The following GOLIM4 variants were observed in gnomAD, a reference collection of about 807,000 sequenced individuals.
GOLIM4 encodes the protein golgi integral membrane protein 4.
A neutral mutation model predicts 107.4 loss-of-function variants in GOLIM4; 71 were observed. The ratio of observed to expected loss-of-function variants is 0.66; its 90% confidence interval spans 0.55 to 0.81. The LOEUF (loss-of-function observed/expected upper bound fraction) is 0.81. Ranked by LOEUF, GOLIM4 falls within the 30% of genes least tolerant of loss-of-function variation. The pLI, the probability that GOLIM4 is intolerant of heterozygous loss-of-function variation, is 0.00. For missense variants in GOLIM4, 830 were observed against 826.1 expected (o/e 1.00, Z -0.06); for synonymous variants, 327 against 294.8 (o/e 1.11, Z -1.12).
chr3:168,029,243 C>A lies in GOLIM4; in HGVS notation c.1493G>T (p.Gly498Val). 6.2e-7 allele frequency: 1 copy of A among 1,608,268 alleles called. No homozygotes were observed. Among genetic ancestry groups the A allele is most frequent in the Non-Finnish European group, 8.5e-7 (1 of 1,175,382 alleles). ...NDIVQGAEDQ[G>V]IQGEEGAYER... Reference sequence around the variant, plus strand: ...ACCACCTCCTTCCTCTCCTTGGATTCCCTGGTCCTCTGCTCCCTGAACGAT... The same window carrying A: ...ACCACCTCCTTCCTCTCCTTGGATTACCTGGTCCTCTGCTCCCTGAACGAT... The change falls in exon 11 of 16, where the codon GGA becomes GTA. Residue 498 changes from glycine to valine, a missense_variant. By Grantham distance (109) the Gly-to-Val change is moderately radical. Transcript: ENST00000470487.
intron 1 of GOLIM4, among the ~76,000 whole-genome samples, chr3:168,093,244 A>G (rs537601348): frequency 1.3e-5 from 2 of 152,372 alleles, no homozygotes; most frequent in Admixed American, 6.5e-5. Flanking sequence ...CTTGAACAAA[A>G]TATTTTCTTG....
chr3:168,089,953 A>C (rs1313971005), intron 1 of GOLIM4, among the ~76,000 whole-genome samples: 1 of 151,986 alleles, frequency 6.6e-6, no homozygotes, highest in Non-Finnish European at 1.5e-5. Context: ...TTTTTAGTAG[A>C]GATGAGGTTT....
At chr3:168,048,748 A>C (rs373300488) in intron 1 of GOLIM4, among the ~76,000 whole-genome samples, 1 of 152,088 alleles carries the variant, frequency 6.6e-6, no homozygotes, top group Admixed American at 6.6e-5. Flanking sequence ...CCACATCTAC[A>C]CTTCCACCTC....
chr3:168,018,983 C>CAA (rs201919414), intron 14 of GOLIM4, among the ~76,000 whole-genome samples: 27,797 of 120,470 alleles, frequency 0.23, 6,161 homozygotes, highest in African/African-American at 0.58. Flanking sequence ...CTATGTAGCA[C>CAA]AAAAAAAAAA....
chr3:168,021,992 A>G (rs1463547425), intron 14 of GOLIM4, among the ~76,000 whole-genome samples: 1 of 152,248 alleles, frequency 6.6e-6, no homozygotes, highest in African/African-American at 2.4e-5. Flanking sequence ...AACGTAAGGA[A>G]GGGATCATGC....
At chr3:168,071,528 C>G (rs1720829576) in intron 1 of GOLIM4, among the ~76,000 whole-genome samples, 1 of 151,634 alleles carries the variant, frequency 6.6e-6, no homozygotes, top group South Asian at 2.1e-4. Context: ...AACTGTCCCC[C>G]ACTTTCCCCG....
intron 1 of GOLIM4, among the ~76,000 whole-genome samples, chr3:168,075,235 ATTTC>A (rs2108282370): frequency 6.9e-6 from 1 of 144,938 alleles, no homozygotes; most frequent in African/African-American, 2.6e-5. Flanking sequence ...GACAAGAAGT[ATTTC>A]TTTAAGTTAG....
chr3:168,010,914 C>T, intron 14 of GOLIM4, 91 bp from the exon 15 acceptor site: 1 of 884,712 alleles, frequency 1.1e-6, no homozygotes, highest in South Asian at 1.4e-5. Context: ...TAAAGACTTG[C>T]AATAATATAT....
At chr3:168,060,305 T>C (rs192320542) in intron 1 of GOLIM4, among the ~76,000 whole-genome samples, 45 of 152,214 alleles carry the variant, frequency 3.0e-4, no homozygotes, top group African/African-American at 1.1e-3. Context: ...GGGTACAAGA[T>C]GCAAGCAGGG....
chr3:168,076,016 G>T (rs1335328076), intron 1 of GOLIM4, among the ~76,000 whole-genome samples: 3 of 152,058 alleles, frequency 2.0e-5, no homozygotes, highest in African/African-American at 7.2e-5. Flanking sequence ...TTAAATGGAA[G>T]AAATTAATGA....
intron 1 of GOLIM4, among the ~76,000 whole-genome samples, chr3:168,060,668 T>C (rs913787656): frequency 6.6e-6 from 1 of 152,154 alleles, no homozygotes; most frequent in Non-Finnish European, 1.5e-5. Context: ...ATCCGCGGTA[T>C]TCCTCAAACT....
intron 14 of GOLIM4, among the ~76,000 whole-genome samples, chr3:168,022,903 A>C (rs2108218794): frequency 6.6e-6 from 1 of 152,160 alleles, no homozygotes; most frequent in East Asian, 1.9e-4. Context: ...GAAGGGGATG[A>C]CTGGTGGGAT....
intron 1 of GOLIM4, among the ~76,000 whole-genome samples, chr3:168,087,329 G>A (rs1447924583): frequency 1.3e-5 from 2 of 152,032 alleles, no homozygotes; most frequent in African/African-American, 4.8e-5. Context: ...CAAGTTGTTG[G>A]CTGCCTAACG....
intron 1 of GOLIM4, among the ~76,000 whole-genome samples, chr3:168,063,841 A>ACCTGCACAT (rs1020320464): frequency 2.0e-5 from 3 of 152,060 alleles, no homozygotes; most frequent in Non-Finnish European, 4.4e-5. Flanking sequence ...CATGTAACAA[A>ACCTGCACAT]CCTGCACATC....
Position 168,024,912 on chromosome 3 carries a change from C to T in GOLIM4, c.1791+16G>A, listed in dbSNP as rs768077239. On this transcript the variant is annotated intron_variant, in intron 13 of 15. Coordinates refer to ENST00000470487, the MANE Select transcript of GOLIM4 (RefSeq NM_014498.5). ...TAGCCCAGTTAAATCCACCCTTCCT[C>T]GTGGCATCTGCTTACCACCAAATGT... The T allele has an allele frequency of 1.4e-5, 22 of 1,606,190 alleles. 1 individual carries two copies. The highest frequency in any genetic ancestry group is 4.0e-5 in the African/African-American group (3 of 74,700).
At chr3:168,022,356 C>T (rs1717751274) in intron 14 of GOLIM4, among the ~76,000 whole-genome samples, 1 of 151,702 alleles carries the variant, frequency 6.6e-6, no homozygotes, top group Admixed American at 6.6e-5. Flanking sequence ...ACAACAACAA[C>T]AATAATGCAC....
chr3:168,051,651 T>C (rs1719653545), intron 1 of GOLIM4, among the ~76,000 whole-genome samples: 1 of 152,194 alleles, frequency 6.6e-6, no homozygotes, highest in African/African-American at 2.4e-5. Context: ...AGAGTATATA[T>C]ATGTAGAAAC....
chr3:168,095,582 C>T lies in GOLIM4; in HGVS notation c.-297G>A. ...CATACTTCAGAGCCGGCTGCCCTCG[C>T]GCCTGTCCCCAGATGCCTCCTGCCT... On this transcript the variant is annotated 5_prime_UTR_variant, in exon 1 of 16. Transcript: ENST00000470487. 2.7e-6 allele frequency: 1 copy of T among 372,478 alleles called. No homozygotes were observed. The allele number at this position is 372,478 out of a possible 1,614,324, so 23.1% of individuals were successfully genotyped here.
At chr3:168,052,228 T>C (rs1189303241) in intron 1 of GOLIM4, among the ~76,000 whole-genome samples, 1 of 152,138 alleles carries the variant, frequency 6.6e-6, no homozygotes, top group African/African-American at 2.4e-5. Flanking sequence ...GTAAACACTA[T>C]TAAAATGCTT....
Sources: gnomAD v4.1 joint callset for allele counts (sites outside exome capture counted in the v4.1 genomes callset) on GRCh38, gnomAD v4.1.1 for gene constraint, MANE v1.5 for transcripts, NCBI Gene and HGNC (gene_info 2026-07-23, HGNC 2026-07-21) for gene names.